The following RAMP3 variants were observed in gnomAD, a reference collection of about 807,000 sequenced individuals.
RAMP3 encodes the protein receptor activity-modifying protein 3.
In RAMP3, 14 loss-of-function variants were observed where a neutral mutation model predicts 13.5. The ratio of observed to expected loss-of-function variants is 1.04; its 90% CI spans 0.69 to 1.63. The LOEUF is 1.63. RAMP3 is among the 40% of genes most tolerant of loss of function. The pLI, the probability that RAMP3 is intolerant of heterozygous loss-of-function variation, is 0.00. For synonymous variants in RAMP3, 106 were observed against 88.3 expected, an observed-to-expected ratio of 1.20 and a Z score of -1.12; for missense variants, 200 against 204.8, an observed-to-expected ratio of 0.98 and a Z score of 0.14.
At chr7:45,166,151 A>G (rs34476330) in intron 1 of RAMP3, among the ~76,000 whole-genome samples, 39,560 of 151,064 alleles carry the variant, frequency 0.26, 6,255 homozygotes, top group African/African-American at 0.44. Flanking sequence ...TAAAGGTTCC[A>G]ATTTCTGCAT....
intron 1 of RAMP3, among the ~76,000 whole-genome samples, chr7:45,165,609 A>G (rs1785946100): frequency 6.6e-6 from 1 of 152,214 alleles, no homozygotes; most frequent in African/African-American, 2.4e-5. Context: ...ACATTCCTAG[A>G]ATTTTGCAAC....
intron 1 of RAMP3, among the ~76,000 whole-genome samples, chr7:45,161,164 G>T (rs2128654915): frequency 6.6e-6 from 1 of 152,352 alleles, no homozygotes; most frequent in East Asian, 1.9e-4. Context: ...GGCATGTGAA[G>T]ATTATGGAGT....
chr7:45,171,504 A>G (rs1296785162), intron 1 of RAMP3, among the ~76,000 whole-genome samples: 2 of 152,108 alleles, frequency 1.3e-5, no homozygotes, highest in African/African-American at 4.8e-5. Context: ...GGACATTTAT[A>G]TAATCCTTTA....
chr7:45,158,977 G>T (rs75430547), intron 1 of RAMP3, among the ~76,000 whole-genome samples: 5,427 of 152,280 alleles, frequency 0.036, 150 homozygotes, highest in Non-Finnish European at 0.051. Flanking sequence ...TCCAGTGAGC[G>T]CCCCTTAGGT....
chr7:45,163,410 C>A, intron 1 of RAMP3: 3 of 985,464 alleles, frequency 3.0e-6, no homozygotes, highest in Non-Finnish European at 3.6e-6. Flanking sequence ...TACAAGAGAA[C>A]CTGGGGTCAG....
intron 1 of RAMP3, among the ~76,000 whole-genome samples, chr7:45,161,856 G>A (rs1785873060): frequency 6.6e-6 from 1 of 152,166 alleles, no homozygotes; most frequent in Admixed American, 6.5e-5. Flanking sequence ...CTGGCCAGGA[G>A]GGACAGGGTG....
intron 1 of RAMP3, among the ~76,000 whole-genome samples, chr7:45,168,838 T>A (rs1786026205): frequency 6.6e-6 from 1 of 152,228 alleles, no homozygotes; most frequent in South Asian, 2.1e-4. Context: ...AAACCTGGCA[T>A]CCTTGTTTTG....
chr7:45,179,060 A>G (rs1305554045), intron 2 of RAMP3, among the ~76,000 whole-genome samples: 1 of 152,184 alleles, frequency 6.6e-6, no homozygotes, highest in Non-Finnish European at 1.5e-5. Context: ...CCAGCTGGAC[A>G]CTGGAGGTGT....
chr7:45,160,317 C>A (rs1442514824), intron 1 of RAMP3, among the ~76,000 whole-genome samples: 1 of 93,760 alleles, frequency 1.1e-5, no homozygotes, highest in Non-Finnish European at 2.0e-5. Context: ...GGTGACAAAG[C>A]GAGACTCTGC....
chr7:45,160,566 T>C (rs912952469), intron 1 of RAMP3, among the ~76,000 whole-genome samples: 4 of 151,926 alleles, frequency 2.6e-5, no homozygotes, highest in Non-Finnish European at 4.4e-5. Context: ...CAAGGTCGAC[T>C]GACCGTGGCC....
At chr7:45,163,263 G>A (rs917159421) in intron 1 of RAMP3, 7 of 985,338 alleles carry the variant, frequency 7.1e-6, no homozygotes, top group Admixed American at 1.2e-4. Flanking sequence ...ACTAGGGATA[G>A]AGCCCCCAAG....
chr7:45,183,859 C>T lies in RAMP3; in HGVS notation c.*447C>T. 6.9e-6 allele frequency: 3 copies of T among 433,360 alleles called. No individual in the cohort carries two copies. The highest frequency in any genetic ancestry group is 1.2e-5 in the Non-Finnish European group (3 of 246,662). 26.8% of individuals were successfully genotyped at this position (433,360 alleles called of 1,614,324 possible). A position where few individuals can be genotyped will look rare whatever the true frequency, so the allele number is the denominator to read the frequency against. The stretch of plus-strand genomic sequence containing the variant: ...TCCTGCCCTGGCTCCTGCACCAGCC[C>T]CAGCTCCTGCCTACATCCAGGCAGA... On this transcript the variant is annotated 3_prime_UTR_variant, in exon 3 of 3. Transcript: ENST00000242249.
rs1786364040 is a variant in RAMP3, at chr7:45,183,544, C to A, written c.*132C>A. ...CCCACCTGGTCATGGGCAGACCCCTCCCTTCCTGGGCTGACCTGCTCCCTC... is the reference window on the plus strand; with the variant it reads ...CCCACCTGGTCATGGGCAGACCCCTACCTTCCTGGGCTGACCTGCTCCCTC... On this transcript the variant is annotated 3_prime_UTR_variant, in exon 3 of 3. Transcript: ENST00000242249. 2.2e-6 allele frequency: 3 copies of A among 1,357,170 alleles called. No homozygotes were observed. The highest frequency in any genetic ancestry group is 3.0e-6 in the Non-Finnish European group (3 of 985,826). The allele number at this position is 1,357,170 out of a possible 1,614,324, so 84.1% of individuals were successfully genotyped here.
intron 2 of RAMP3, among the ~76,000 whole-genome samples, chr7:45,178,910 C>T (rs1001122539): frequency 3.3e-5 from 5 of 152,108 alleles, no homozygotes; most frequent in Non-Finnish European, 7.4e-5. Flanking sequence ...TGAAGTCAGA[C>T]CTGATGCTGG....
Position 45,157,804 on chromosome 7 carries a change from G to T in RAMP3, c.-25G>T. The stretch of plus-strand genomic sequence containing the variant: ...AGCCGCGCCCCCAGCGGGACCGAGC[G>T]TGACCCAGCTGCGGCCGGCCAGCCA... On this transcript the variant is annotated 5_prime_UTR_variant, in exon 1 of 3. Coordinates refer to ENST00000242249, the MANE Select transcript of RAMP3 (RefSeq NM_005856.3). 7.2e-7 allele frequency: 1 copy of T among 1,385,136 alleles called. No homozygotes were observed. The allele number at this position is 1,385,136 out of a possible 1,614,324, so 85.8% of individuals were successfully genotyped here.
chr7:45,164,870 G>A (rs1431173901), intron 1 of RAMP3, among the ~76,000 whole-genome samples: 4 of 152,070 alleles, frequency 2.6e-5, no homozygotes, highest in African/African-American at 7.2e-5. Context: ...ATTCTTGTTG[G>A]CAGCCTACTG....
chr7:45,178,328 C>T (rs1197054805), intron 2 of RAMP3, among the ~76,000 whole-genome samples: 1 of 152,186 alleles, frequency 6.6e-6, no homozygotes, highest in Non-Finnish European at 1.5e-5. Context: ...CCTCACAGTC[C>T]TCTGCCCCAC....
Position 45,177,311 on chromosome 7 carries a change from G to A in RAMP3, c.61G>A (p.Gly21Arg). The A allele has an allele frequency of 6.2e-7, 1 of 1,614,076 alleles. No homozygotes were observed. The highest frequency in any genetic ancestry group is 8.5e-7 in the Non-Finnish European group (1 of 1,179,958). ...LLPLLLLLCG[G>R]CPRAGGCNET... The stretch of plus-strand genomic sequence containing the variant: ...TCTTATGGCTGTCCCCTCTCCAGGT[G>A]GGTGTCCCAGAGCAGGCGGCTGCAA... The change falls in exon 2 of 3, where the codon GGG (glycine) becomes AGG (arginine). Residue 21 changes from glycine (G) to arginine (R), a missense_variant and splice_region_variant. Gly to Arg is a moderately radical substitution (Grantham distance 125). Transcript: ENST00000242249.
At chr7:45,165,741 G>T (rs191277997) in intron 1 of RAMP3, among the ~76,000 whole-genome samples, 2 of 152,224 alleles carry the variant, frequency 1.3e-5, no homozygotes, top group African/African-American at 4.8e-5. Flanking sequence ...TATGTTTTCT[G>T]TCTCTAGATT....
Sources: gnomAD v4.1 joint callset for allele counts (sites outside exome capture counted in the v4.1 genomes callset) on GRCh38, gnomAD v4.1.1 for gene constraint, MANE v1.5 for transcripts, NCBI Gene and HGNC (gene_info 2026-07-23, HGNC 2026-07-21) for gene names.